Variants in DSP observed in about 807,000 individuals in gnomAD.
DSP encodes desmoplakin, also known as 250/210 kDa paraneoplastic pemphigus antigen.
DSP carries 114 observed loss-of-function variants against 290.6 expected under a neutral mutation model. The observed-to-expected ratio is 0.39, with a 90% CI of 0.34 to 0.46. The LOEUF (loss-of-function observed/expected upper bound fraction) is 0.46. DSP is among the 20% of genes least tolerant of loss of function. DSP has a pLI of 0.99. For missense variants in DSP, 3,230 were observed against 3,495.8 expected, an observed-to-expected ratio of 0.92 and a Z score of 1.92; for synonymous variants, 1,311 against 1,316.4, an observed-to-expected ratio of 1.00 and a Z score of 0.09.
chr6:7,559,095 A>C, intron 3 of DSP, 131 bp from the exon 4 acceptor site: 2 of 1,069,914 alleles, frequency 1.9e-6, no homozygotes, highest in Non-Finnish European at 2.7e-6. Flanking sequence ...AAGAAAAAAA[A>C]ATCTTCAAAT....
chr6:7,546,025 T>G (rs1341960580), intron 1 of DSP, among the ~76,000 whole-genome samples: 6 of 152,222 alleles, frequency 3.9e-5, no homozygotes, highest in Non-Finnish European at 8.8e-5. Context: ...AGGTTTTCAC[T>G]GAAGCCATTG....
chr6:7,576,348 T>C lies in DSP; in HGVS notation c.2685T>C (p.Tyr895=), dbSNP rs2113686561. ...AATTGAGGAATTATCGTGATAACTATCAGGCTTTCTGCAAGTGGCTCTATG... is the reference window on the plus strand; with the variant it reads ...AATTGAGGAATTATCGTGATAACTACCAGGCTTTCTGCAAGTGGCTCTATG... The part of the protein sequence containing the change: ...IKQLRNYRDN[Y]QAFCKWLYDA... The change falls in exon 19 of 24, where the codon TAT becomes TAC. Residue 895 remains tyrosine (Y), a synonymous_variant. Transcript: ENST00000379802. 6.2e-7 allele frequency: 1 copy of C among 1,614,138 alleles called. No individual in the cohort carries two copies. The highest frequency in any genetic ancestry group is 8.5e-7 in the Non-Finnish European group (1 of 1,179,986).
intron 1 of DSP, among the ~76,000 whole-genome samples, chr6:7,552,159 A>G (rs760439623): frequency 6.6e-6 from 1 of 152,050 alleles, no homozygotes; most frequent in Non-Finnish European, 1.5e-5. Context: ...TATTTTTTCA[A>G]CCCTTCAAAG....
At position 7,574,101 on chromosome 6, in the gene DSP, T is replaced by G. The variant is rs1759149630; in HGVS notation, c.2146T>G (p.Ser716Ala). The G allele has an allele frequency of 1.9e-6, 3 of 1,614,106 alleles. No homozygotes were observed. Among genetic ancestry groups the G allele is most frequent in the Non-Finnish European group, 2.5e-6 (3 of 1,179,988 alleles). The change falls in exon 16 of 24, where the codon TCA becomes GCA. Residue 716 changes from serine to alanine, a missense_variant. This residue lies in a region of DSP where 1,714 missense variants were observed against 1,844.5 expected (regional missense o/e 0.93). Transcript: ENST00000379802. ...INELKSVQND[S>A]QAIAEVLNQL... ...TTTTTGACAGAGTGTGCAGAATGAT[T>G]CACAAGCAATTGCTGAGGTTCTCAA...
At position 7,558,322 on chromosome 6, in the gene DSP, A is replaced by G. The variant is rs1333981031; in HGVS notation, c.422+58A>G. The G allele has an allele frequency of 1.9e-6, 3 of 1,576,444 alleles. No homozygotes were observed. The East Asian group carries it at 7.1e-5, about 37-fold the overall frequency. On this transcript the variant is annotated intron_variant, in intron 3 of 23. Coordinates refer to ENST00000379802, the MANE Select transcript of DSP (RefSeq NM_004415.4). ...CCATGAAAAAGAACACCACATAACCAGTTACACTCAATTCCATGACCCAGG... is the reference window on the plus strand; with the variant it reads ...CCATGAAAAAGAACACCACATAACCGGTTACACTCAATTCCATGACCCAGG...
chr6:7,579,421 G>C lies in DSP; in HGVS notation c.3231G>C (p.Ala1077=), dbSNP rs368214030. The C allele has an allele frequency of 6.2e-7, 1 of 1,614,184 alleles. No homozygotes were observed. The highest frequency in any genetic ancestry group is 1.7e-5 in the Admixed American group (1 of 60,030). The part of the protein sequence containing the change: ...AECSQFKAKL[A]SLEELKRQAE... Reference sequence around the variant, plus strand: ...GTTCCCAGTTCAAAGCGAAGCTTGCGAGCCTGGAGGAGCTGAAGAGACAGG... The same window carrying C: ...GTTCCCAGTTCAAAGCGAAGCTTGCCAGCCTGGAGGAGCTGAAGAGACAGG... The change falls in exon 23 of 24, where the codon GCG becomes GCC. Residue 1077 remains alanine, a synonymous_variant. Coordinates refer to ENST00000379802, the MANE Select transcript of DSP (RefSeq NM_004415.4). The surrounding 1 kb of genome is among the most constrained non-coding windows in gnomAD (Gnocchi z 4.1).
At chr6:7,547,241 A>G (rs1491001038) in intron 1 of DSP, among the ~76,000 whole-genome samples, 2 of 152,126 alleles carry the variant, frequency 1.3e-5, no homozygotes, top group Non-Finnish European at 2.9e-5. Context: ...AGACTCAGAC[A>G]TGAGCTGCTC....
chr6:7,564,697 C>G (rs1758803321), intron 6 of DSP, among the ~76,000 whole-genome samples: 1 of 152,160 alleles, frequency 6.6e-6, no homozygotes. Context: ...TCCCAACACA[C>G]AGAAAAGATA....
chr6:7,555,561 T>C (rs1420079435), intron 1 of DSP, among the ~76,000 whole-genome samples, 157 bp from the exon 2 acceptor site: 1 of 152,082 alleles, frequency 6.6e-6, no homozygotes, highest in Non-Finnish European at 1.5e-5. Flanking sequence ...AGAAGGGGGA[T>C]AAAAGAAACA....
chr6:7,581,002 G>A lies in DSP; in HGVS notation c.4812G>A (p.Ser1604=), dbSNP rs778729982. 1.9e-6 allele frequency: 3 copies of A among 1,613,864 alleles called. No homozygotes were observed. Among genetic ancestry groups the A allele is most frequent in the Non-Finnish European group, 1.7e-6 (2 of 1,180,004 alleles). The part of the protein sequence containing the change: ...LEEELEGMRR[S]LKEQAIKITN... ...AAGAGCTGGAAGGCATGAGGAGGTCGCTGAAGGAGCAAGCCATCAAAATCA... is the reference window on the plus strand; with the variant it reads ...AAGAGCTGGAAGGCATGAGGAGGTCACTGAAGGAGCAAGCCATCAAAATCA... Residue 1604 remains serine (S), a synonymous_variant, in exon 23 of 24, where the codon TCG becomes TCA. Transcript: ENST00000379802.
rs1349127792 is a variant in DSP at position 7,581,482 on chromosome 6, G to A, written c.5292G>A (p.Leu1764=). The stretch of plus-strand genomic sequence containing the variant: ...TGCAGATCAGCAACAACCGGACCCT[G>A]GAACTGCAGGGGCTGATTAATGATT... ...SQLQISNNRT[L]ELQGLINDLQ... The change falls in exon 23 of 24, where the codon CTG becomes CTA. Residue 1764 remains leucine, a synonymous_variant. Coordinates refer to ENST00000379802, the MANE Select transcript of DSP (RefSeq NM_004415.4). The A allele has an allele frequency of 6.2e-7, 1 of 1,613,534 alleles. No homozygotes were observed. The highest frequency in any genetic ancestry group is 1.1e-5 in the South Asian group (1 of 90,932).
intron 4 of DSP, among the ~76,000 whole-genome samples, chr6:7,561,299 C>T (rs1199277042): frequency 2.0e-5 from 3 of 152,092 alleles, no homozygotes; most frequent in Non-Finnish European, 2.9e-5. Context: ...CGATGCTTTC[C>T]GGGTTAGGCA....
Position 7,567,465 on chromosome 6 carries a change from G to A in DSP, c.1140+16G>A. 1 of 1,604,516 alleles carries A rather than the reference G, an allele frequency of 6.2e-7. No individual in the cohort carries two copies. The highest frequency in any genetic ancestry group is 8.5e-7 in the Non-Finnish European group (1 of 1,172,092). Reference sequence around the variant, plus strand: ...CTACTTTCAGGTTTTTATATTTAGTGATAATTTTGTTGTTATTTAGGTCTT... The same window carrying A: ...CTACTTTCAGGTTTTTATATTTAGTAATAATTTTGTTGTTATTTAGGTCTT... On this transcript the variant is annotated intron_variant, in intron 9 of 23. Coordinates refer to ENST00000379802, the MANE Select transcript of DSP (RefSeq NM_004415.4).
chr6:7,545,878 A>G (rs770218161), intron 1 of DSP, among the ~76,000 whole-genome samples: 3 of 152,238 alleles, frequency 2.0e-5, no homozygotes, highest in Non-Finnish European at 2.9e-5. Context: ...AAGCCTGTGG[A>G]GTGATCTCCT....
At chr6:7,549,042 G>A (rs188111010) in intron 1 of DSP, among the ~76,000 whole-genome samples, 12 of 152,302 alleles carry the variant, frequency 7.9e-5, no homozygotes, top group Admixed American at 5.2e-4. Context: ...AGGATGCAGA[G>A]GTGTGATATG....
At chr6:7,555,327 T>C (rs964192777) in intron 1 of DSP, among the ~76,000 whole-genome samples, 2 of 152,228 alleles carry the variant, frequency 1.3e-5, no homozygotes, top group Admixed American at 6.5e-5. Context: ...CATCATTGTA[T>C]TGTGGTTATA....
chr6:7,543,073 AGAGATCCT>A, intron 1 of DSP, among the ~76,000 whole-genome samples: 1 of 152,174 alleles, frequency 6.6e-6, no homozygotes, highest in East Asian at 1.9e-4. Context: ...TGGGTGGGGA[AGAGATCCT>A]GTCCCTGCTT....
chr6:7,584,814 G>T lies in DSP; in HGVS notation c.7552G>T (p.Val2518Phe). Residue 2518 changes from valine to phenylalanine, a missense_variant, in exon 24 of 24, where the codon GTC becomes TTC. By Grantham distance (50) the Val-to-Phe change is conservative (BLOSUM62 -1). Around this residue, in one of 5 missense-constraint regions of DSP, gnomAD observed 582 missense variants for 555.4 expected, o/e 1.05. Coordinates refer to ENST00000379802, the MANE Select transcript of DSP (RefSeq NM_004415.4). The surrounding 1 kb of genome is among the most constrained non-coding windows in gnomAD (Gnocchi z 6.4). ...GGGATCAGATGGCTCCACCAGGGTG[G>T]TCCTGGTAGATAGAAAGACAGGCAG... ...ITGSDGSTRV[V>F]LVDRKTGSQY... 1 of 1,614,196 alleles carries T rather than the reference G, an allele frequency of 6.2e-7. No individual in the cohort carries two copies. The highest frequency in any genetic ancestry group is 8.5e-7 in the Non-Finnish European group (1 of 1,180,024).
rs201625698 is a variant in DSP, at chr6:7,583,558, C to T, written c.6296C>T (p.Pro2099Leu). ...AAAGCTATCACTGGTTTTGATGATCCATTTTCAGGCAAGACAGTATCTGTT... is the reference window on the plus strand; with the variant it reads ...AAAGCTATCACTGGTTTTGATGATCTATTTTCAGGCAAGACAGTATCTGTT... ...AEKAITGFDDPFSGKTVSVSE... is the reference protein window; with the variant it reads ...AEKAITGFDDLFSGKTVSVSE... Residue 2099 changes from proline to leucine, a missense_variant, in exon 24 of 24, where the codon CCA (proline) becomes CTA (leucine). Pro to Leu is a moderately conservative substitution (Grantham distance 98). Transcript: ENST00000379802. This position sits in a 1 kb window ranked among gnomAD's most constrained non-coding sequence, Gnocchi z 4.0. 1.7e-4 allele frequency: 267 copies of T among 1,613,994 alleles called. No individual in the cohort carries two copies. Among genetic ancestry groups the T allele is most frequent in the Non-Finnish European group, 1.8e-5 (21 of 1,180,030 alleles).
Sources: gnomAD v4.1 joint callset for allele counts (sites outside exome capture counted in the v4.1 genomes callset) on GRCh38, gnomAD v4.1.1 for gene constraint, gnomAD v4.1.1 regional missense constraint, Gnocchi (gnomAD v3.1) non-coding constraint, MANE v1.5 for transcripts, NCBI Gene and HGNC (gene_info 2026-07-23, HGNC 2026-07-21) for gene names.